The following KIF14 variants were observed in gnomAD, a reference collection of about 807,000 sequenced individuals.
KIF14 encodes kinesin-like protein KIF14.
Under a neutral mutation model 176.2 loss-of-function variants are expected in KIF14, and 98 were observed. The ratio of observed to expected loss-of-function variants is 0.56; its 90% CI spans 0.47 to 0.66. The LOEUF is 0.66. Ranked by LOEUF, KIF14 falls within the 30% of genes least tolerant of loss-of-function variation. The probability of loss-of-function intolerance (pLI) is 0.00; values close to 1 mark genes in which losing one functional copy is unlikely to be tolerated. For missense variants in KIF14, 1,751 were observed against 1,920.4 expected, an observed-to-expected ratio of 0.91 and a Z score of 1.65; for synonymous variants, 566 against 632.2, an observed-to-expected ratio of 0.90 and a Z score of 1.57.
At position 200,618,682 on chromosome 1, in the gene KIF14, A is replaced by G; in HGVS notation, c.42T>C (p.Asp14=). ...TTTGGGAAGAAGGAATATCAAGAAT[A>G]TCACCGCTGTTATTTCTATTATGAG... The part of the protein sequence containing the change: ...HSTHNRNNSG[D]ILDIPSSQNS... Residue 14 remains aspartate, a synonymous_variant, in exon 2 of 30, where the codon GAT becomes GAC. Transcript: ENST00000367350. 1 of 1,612,402 alleles carries G rather than the reference A, an allele frequency of 6.2e-7. No homozygotes were observed. The highest frequency in any genetic ancestry group is 8.5e-7 in the Non-Finnish European group (1 of 1,179,668).
chr1:200,598,365 A>C lies in KIF14; in HGVS notation c.2421T>G (p.Asn807Lys). 6.2e-7 allele frequency: 1 copy of C among 1,612,668 alleles called. No homozygotes were observed. Among genetic ancestry groups the C allele is most frequent in the Non-Finnish European group, 8.5e-7 (1 of 1,179,546 alleles). Reference protein sequence around the residue: ...DNHLPNLVNLNEDPQLSEMLL... With the variant: ...DNHLPNLVNLKEDPQLSEMLL... Reference sequence around the variant, plus strand: ...GCATCTCAGATAGTTGTGGATCTTCATTCAGATTAACAAGGTTTGGTAAAT... The same window carrying C: ...GCATCTCAGATAGTTGTGGATCTTCCTTCAGATTAACAAGGTTTGGTAAAT... Residue 807 changes from asparagine (N) to lysine (K), a missense_variant, in exon 14 of 30, where the codon AAT (asparagine) becomes AAG (lysine). Asn to Lys is a moderately conservative substitution (Grantham distance 94, BLOSUM62 0). Coordinates refer to ENST00000367350, the MANE Select transcript of KIF14 (RefSeq NM_014875.3).
chr1:200,575,729 G>C (rs1230550408), intron 21 of KIF14, 38 bp from the exon 22 acceptor site: 2 of 1,231,950 alleles, frequency 1.6e-6, no homozygotes, highest in Non-Finnish European at 1.1e-6. Context: ...GTAAATTTGG[G>C]GTGAAAAAAT....
chr1:200,612,698 A>G (rs1660213643), intron 4 of KIF14, among the ~76,000 whole-genome samples: 1 of 152,090 alleles, frequency 6.6e-6, no homozygotes, highest in Non-Finnish European at 1.5e-5. Context: ...TCAATTACTC[A>G]AATCTACTTT....
chr1:200,618,823 G>C lies in KIF14; in HGVS notation c.-100C>G, dbSNP rs1026041448. ...AGCCATTTCTTATGTATCCATTTCT[G>C]AAAGTATCTGCTAAACTAAAAGAAA... On this transcript the variant is annotated 5_prime_UTR_variant, in exon 2 of 30. Transcript: ENST00000367350. The C allele has an allele frequency of 3.2e-6, 3 of 937,958 alleles. No homozygotes were observed. The highest frequency in any genetic ancestry group is 4.7e-6 in the Non-Finnish European group (3 of 634,438). 58.1% of individuals were successfully genotyped at this position (937,958 alleles called of 1,614,324 possible).
chr1:200,613,378 T>C (rs546060767), intron 4 of KIF14, among the ~76,000 whole-genome samples: 3 of 152,346 alleles, frequency 2.0e-5, no homozygotes, highest in Admixed American at 1.3e-4. Flanking sequence ...AAAAATAAGC[T>C]CAGCTGCTCC....
At chr1:200,582,480 TA>T (rs1658515215) in intron 19 of KIF14, among the ~76,000 whole-genome samples, 1 of 152,176 alleles carries the variant, frequency 6.6e-6, no homozygotes, top group East Asian at 1.9e-4. Flanking sequence ...TCACATGAAT[TA>T]AAAAATCAAG....
At chr1:200,577,715 G>GAA (rs907304890) in intron 21 of KIF14, among the ~76,000 whole-genome samples, 1 of 131,644 alleles carries the variant, frequency 7.6e-6, no homozygotes, top group Non-Finnish European at 1.6e-5. Context: ...AAGAAAAAAA[G>GAA]AAAAAAAAAA....
At chr1:200,607,860 C>A (rs1205033387) in intron 5 of KIF14, among the ~76,000 whole-genome samples, 1 of 152,062 alleles carries the variant, frequency 6.6e-6, no homozygotes, top group African/African-American at 2.4e-5. Context: ...GCCACCATGC[C>A]AAGCTAATTT....
intron 26 of KIF14, among the ~76,000 whole-genome samples, chr1:200,559,789 A>C (rs2808233): frequency 1.3e-5 from 2 of 151,310 alleles, no homozygotes; most frequent in East Asian, 1.9e-4. Flanking sequence ...AGTTTCGCTC[A>C]TGTTGCCCAG....
At chr1:200,581,917 A>G (rs1658484341) in intron 19 of KIF14, among the ~76,000 whole-genome samples, 1 of 151,896 alleles carries the variant, frequency 6.6e-6, no homozygotes, top group Non-Finnish European at 1.5e-5. Context: ...CTACAGGTGC[A>G]TGCCACCACA....
At chr1:200,585,164 C>G (rs1374433193) in intron 19 of KIF14, among the ~76,000 whole-genome samples, 1 of 147,920 alleles carries the variant, frequency 6.8e-6, no homozygotes, top group African/African-American at 2.5e-5. Flanking sequence ...GTCTAATGAA[C>G]AGAAAGTTGC....
chr1:200,598,544 GTTAT>G (rs965951648), intron 13 of KIF14, 123 bp from the exon 14 acceptor site: 8 of 589,616 alleles, frequency 1.4e-5, no homozygotes, highest in East Asian at 1.0e-4. Flanking sequence ...TAAATTAAAG[GTTAT>G]TTATTTATTT....
chr1:200,554,693 A>G, intron 28 of KIF14, 87 bp from the exon 29 acceptor site: 1 of 681,324 alleles, frequency 1.5e-6, no homozygotes, highest in Non-Finnish European at 2.4e-6. Context: ...AATTGCCAGA[A>G]TCTTCTCTTT....
rs780403772 is a variant in KIF14, at chr1:200,559,399, T to C, written c.4284A>G (p.Leu1428=). ...CDGVGLGMKI[L]LDSGLEKAKE... is the part of the protein sequence containing the mutation. The stretch of plus-strand genomic sequence containing the variant: ...TTGCTTTTTCCAGTCCAGAATCTAA[T>C]AAAATCTTCATTCCTAAGCCTACAC... The change falls in exon 27 of 30, where the codon TTA becomes TTG. Residue 1428 remains leucine (L), a synonymous_variant. Coordinates refer to ENST00000367350, the MANE Select transcript of KIF14 (RefSeq NM_014875.3). 1.1e-5 allele frequency: 18 copies of C among 1,590,470 alleles called. No homozygotes were observed. Among genetic ancestry groups the C allele is most frequent in the Admixed American group, 3.5e-5 (2 of 57,674 alleles).
At chr1:200,589,970 GTAAAAT>G (rs1298044301) in intron 17 of KIF14, among the ~76,000 whole-genome samples, 149 bp downstream of exon 17, 2 of 151,864 alleles carry the variant, frequency 1.3e-5, no homozygotes, top group African/African-American at 4.8e-5. Context: ...ATTTCTTAAA[GTAAAAT>G]TAAAGAGGGC....
chr1:200,562,241 C>T (rs1255036447), intron 25 of KIF14, among the ~76,000 whole-genome samples: 1 of 152,210 alleles, frequency 6.6e-6, no homozygotes, highest in African/African-American at 2.4e-5. Flanking sequence ...TCTCTCCATC[C>T]TTGATTCCTT....
At chr1:200,587,035 C>T (rs957322086) in intron 18 of KIF14, among the ~76,000 whole-genome samples, 11 of 151,966 alleles carry the variant, frequency 7.2e-5, no homozygotes, top group African/African-American at 1.9e-4. Context: ...GGACTGGTTT[C>T]GTGGAAGACA....
In KIF14 at chr1:200,605,290, T is replaced by G; in HGVS notation, c.1739A>C (p.Gln580Pro). 1 of 1,610,708 alleles carries G rather than the reference T, an allele frequency of 6.2e-7. No homozygotes were observed. The highest frequency in any genetic ancestry group is 2.2e-5 in the East Asian group (1 of 44,750). ...AACTTTTAAAAAAAATACCTTGGTCTGGGTCATCACCAGGGTGAAAACTGA... is the reference window on the plus strand; with the variant it reads ...AACTTTTAAAAAAAATACCTTGGTCGGGGTCATCACCAGGGTGAAAACTGA... ...SHSVFTLVMTQTKTEFVEGEE... is the reference protein window; with the variant it reads ...SHSVFTLVMTPTKTEFVEGEE... The change falls in exon 8 of 30, where the codon CAG (glutamine) becomes CCG (proline). Residue 580 changes from glutamine (Q) to proline (P), a missense_variant. Coordinates refer to ENST00000367350, the MANE Select transcript of KIF14 (RefSeq NM_014875.3).
Position 200,565,486 on chromosome 1 carries a change from GA to G in KIF14, c.3844del (p.Ser1282ProfsTer36), listed in dbSNP as rs1159874514. The G allele has an allele frequency of 1.2e-6, 2 of 1,606,848 alleles. No individual in the cohort carries two copies. On this transcript the variant is annotated frameshift_variant, in exon 24 of 30. Transcript: ENST00000367350. LOFTEE classifies it high-confidence loss of function. ...LKIYNGLFAI[S>X]KAHEEQDEES... ...TTCATCTTGTTCTTCATGAGCCTTG[GA>G]AATGGCAAATAGCCCATTATAAATT...
Sources: gnomAD v4.1 joint callset for allele counts (sites outside exome capture counted in the v4.1 genomes callset) on GRCh38, gnomAD v4.1.1 for gene constraint, MANE v1.5 for transcripts, NCBI Gene and HGNC (gene_info 2026-07-23, HGNC 2026-07-21) for gene names.